The following HSBP1L1 variants were observed in gnomAD, a reference collection of about 807,000 sequenced individuals.
The protein encoded by HSBP1L1 is heat shock factor-binding protein 1-like protein 1.
A neutral mutation model predicts 9.7 loss-of-function variants in HSBP1L1; 8 were observed. That is an observed-to-expected ratio of 0.82 (90% CI 0.48 to 1.48). HSBP1L1 has a LOEUF of 1.48. Among genes scored for constraint, HSBP1L1 ranks in the 40% most tolerant of loss-of-function variants. The pLI is 0.00. For synonymous variants in HSBP1L1, 39 were observed against 34.4 expected (o/e 1.13, Z -0.46); for missense variants, 106 against 95.8 (o/e 1.11, Z -0.44).
Position 79,964,799 on chromosome 18 carries a change from C to A in HSBP1L1, c.51+13C>A. 2 of 1,365,036 alleles carry A rather than the reference C, an allele frequency of 1.5e-6. No individual in the cohort carries two copies. Among genetic ancestry groups the A allele is most frequent in the Non-Finnish European group, 1.9e-6 (2 of 1,057,716 alleles). 84.6% of individuals were successfully genotyped at this position (1,365,036 alleles called of 1,614,324 possible). A position where few individuals can be genotyped will look rare whatever the true frequency, so the allele number is the denominator to read the frequency against. ...GCTGCGGGACGCGGTGAGCCCCTCC[C>A]CGACTCCTGCTTCTCTCTGGATGGG... On this transcript the variant is annotated intron_variant, in intron 1 of 3. Coordinates refer to ENST00000451882, the MANE Select transcript of HSBP1L1 (RefSeq NM_001136180.2).
intron 1 of HSBP1L1, among the ~76,000 whole-genome samples, chr18:79,966,366 A>G (rs866763961): frequency 1.6e-4 from 25 of 152,124 alleles, no homozygotes; most frequent in Admixed American, 1.3e-4. Flanking sequence ...CAACATGGTG[A>G]AACTCCGTCT....
At chr18:79,968,008 A>T in intron 2 of HSBP1L1, 81 bp from the exon 3 acceptor site, 1 of 741,042 alleles carries the variant, frequency 1.3e-6, no homozygotes, top group South Asian at 1.8e-5. Flanking sequence ...GTGCCATGGG[A>T]GGCGGAGTCT....
intron 3 of HSBP1L1, among the ~76,000 whole-genome samples, chr18:79,968,386 G>A (rs2051268349): frequency 6.6e-6 from 1 of 152,152 alleles, no homozygotes; most frequent in Non-Finnish European, 1.5e-5. Flanking sequence ...GAGTGCAGTG[G>A]CATGATCTTG....
intron 2 of HSBP1L1, chr18:79,966,959 T>C (rs934807085): frequency 1.9e-5 from 5 of 268,586 alleles, no homozygotes; most frequent in African/African-American, 4.5e-5. Context: ...CCATCCTGGC[T>C]AACACAGTGA....
chr18:79,964,862 G>GC (rs2051248835), intron 1 of HSBP1L1, 76 bp downstream of exon 1: 1 of 248,688 alleles, frequency 4.0e-6, no homozygotes, highest in African/African-American at 2.5e-5. Flanking sequence ...GAGGTCCTGG[G>GC]GGGGGAGCCT....
Position 79,964,680 on chromosome 18 carries a change from G to T in HSBP1L1, c.-56G>T. The T allele has an allele frequency of 9.3e-7, 1 of 1,070,176 alleles. No homozygotes were observed. 66.3% of individuals were successfully genotyped at this position (1,070,176 alleles called of 1,614,324 possible). A position where few individuals can be genotyped will look rare whatever the true frequency, so the allele number is the denominator to read the frequency against. On this transcript the variant is annotated 5_prime_UTR_variant, in exon 1 of 4. Coordinates refer to ENST00000451882, the MANE Select transcript of HSBP1L1 (RefSeq NM_001136180.2). Reference sequence around the variant, plus strand: ...CGGAGCTTAGCTGTCGCCACCTCGCGCCGGGTCCGCGCGGCCCACGGGACC... The same window carrying T: ...CGGAGCTTAGCTGTCGCCACCTCGCTCCGGGTCCGCGCGGCCCACGGGACC...
chr18:79,964,791 G>A lies in HSBP1L1; in HGVS notation c.51+5G>A. On this transcript the variant is annotated splice_donor_5th_base_variant and intron_variant, in intron 1 of 3. Transcript: ENST00000451882. ...GGGCGCGCGCTGCGGGACGCGGTGA[G>A]CCCCTCCCCGACTCCTGCTTCTCTC... The A allele has an allele frequency of 3.1e-6, 4 of 1,288,728 alleles. 1 individual carries two copies. Among genetic ancestry groups the A allele is most frequent in the South Asian group, 3.1e-5 (2 of 64,348 alleles). 79.8% of individuals were successfully genotyped at this position (1,288,728 alleles called of 1,614,324 possible). A position where few individuals can be genotyped will look rare whatever the true frequency, so the allele number is the denominator to read the frequency against.
intron 3 of HSBP1L1, 57 bp downstream of exon 3, chr18:79,968,240 T>A: frequency 1.0e-6 from 1 of 1,002,740 alleles, no homozygotes; most frequent in Non-Finnish European, 1.5e-6. Context: ...TGCTTTCATC[T>A]TGAAACATAC....
chr18:79,968,328 T>A, intron 3 of HSBP1L1, 145 bp downstream of exon 3: 1 of 602,260 alleles, frequency 1.7e-6, no homozygotes, highest in Middle Eastern at 3.2e-4. Context: ...AATTTCCAAA[T>A]GCTCTCTTCT....
chr18:79,969,331 A>AAG lies in HSBP1L1; in HGVS notation c.214-1108_214-1107insGA, dbSNP rs1351455464. 4.1e-3 allele frequency among the ~76,000 whole-genome samples: 298 copies of AAG among 71,990 alleles called. 16 individuals carry two copies. Among genetic ancestry groups the AAG allele is most frequent in the East Asian group, 0.022 (42 of 1,930 alleles). The allele number at this position is 71,990 out of a possible 152,430, so 47.2% of individuals were successfully genotyped here. A position where few individuals can be genotyped will look rare whatever the true frequency, so the allele number is the denominator to read the frequency against. ...GAGAAAGGAAAGAAAGAAAGAAAGA[A>AAG]AAAGAAAGAAAGAAAGAAAGAAAGA... On this transcript the variant is annotated intron_variant, in intron 3 of 3. Coordinates refer to ENST00000451882, the MANE Select transcript of HSBP1L1 (RefSeq NM_001136180.2).
At chr18:79,964,856 T>TC (rs1423113869) in intron 1 of HSBP1L1, 70 bp downstream of exon 1, 1 of 119,726 alleles carries the variant, frequency 8.4e-6, no homozygotes, top group South Asian at 1.0e-4. Flanking sequence ...GGTTTTGAGG[T>TC]CCTGGGGGGG....
chr18:79,968,482 A>G (rs2051268768), intron 3 of HSBP1L1, among the ~76,000 whole-genome samples: 1 of 152,078 alleles, frequency 6.6e-6, no homozygotes, highest in South Asian at 2.1e-4. Context: ...ATGCACCACC[A>G]CACCCAGCTA....
intron 2 of HSBP1L1, 63 bp from the exon 3 acceptor site, chr18:79,968,026 C>A: frequency 1.0e-6 from 1 of 979,384 alleles, no homozygotes; most frequent in Non-Finnish European, 1.5e-6. Flanking sequence ...TCTCTGAGGA[C>A]ATCCTGGCTG....
intron 3 of HSBP1L1, among the ~76,000 whole-genome samples, chr18:79,969,359 G>GAA (rs1375841246): frequency 2.2e-5 from 1 of 46,506 alleles, no homozygotes; most frequent in Non-Finnish European, 5.3e-5. Flanking sequence ...AAGAAAGAAA[G>GAA]AAAGAAAGAA....
At chr18:79,966,497 C>T (rs1055519310) in intron 1 of HSBP1L1, 115 bp from the exon 2 acceptor site, 38 of 673,510 alleles carry the variant, frequency 5.6e-5, no homozygotes, top group East Asian at 3.7e-4. Context: ...GAGCTGAGAT[C>T]GCGCCATTGC....
chr18:79,969,384 AAAG>A (rs1482191040), intron 3 of HSBP1L1, among the ~76,000 whole-genome samples: 1 of 59,116 alleles, frequency 1.7e-5, no homozygotes, highest in South Asian at 9.2e-4. Context: ...AGAAAGAAAG[AAAG>A]AAAGAAAAAA....
At position 79,968,072 on chromosome 18, in the gene HSBP1L1, G is replaced by C; in HGVS notation, c.119-17G>C. ...GCTCTGGACTCCAGCTCTACGCAGA[G>C]CGCCTTAACACTGTACTGGAAGAAA... On this transcript the variant is annotated splice_polypyrimidine_tract_variant and intron_variant, in intron 2 of 3. Transcript: ENST00000451882. The C allele has an allele frequency of 2.0e-6, 3 of 1,501,854 alleles. No homozygotes were observed. The highest frequency in any genetic ancestry group is 1.4e-5 in the African/African-American group (1 of 72,316). The allele number at this position is 1,501,854 out of a possible 1,614,324, so 93.0% of individuals were successfully genotyped here. A position where few individuals can be genotyped will look rare whatever the true frequency, so the allele number is the denominator to read the frequency against.
intron 2 of HSBP1L1, 141 bp from the exon 3 acceptor site, chr18:79,967,948 T>A: frequency 1.8e-6 from 1 of 550,810 alleles, no homozygotes; most frequent in Non-Finnish European, 3.2e-6. Flanking sequence ...AGAAGCTGAT[T>A]TGCATGGACA....
At chr18:79,965,993 G>A (rs577971575) in intron 1 of HSBP1L1, among the ~76,000 whole-genome samples, 3 of 152,134 alleles carry the variant, frequency 2.0e-5, no homozygotes, top group South Asian at 2.1e-4. Flanking sequence ...GTGCAGTGGC[G>A]CGATCTCGGC....
Sources: allele counts gnomAD v4.1 joint callset (sites outside exome capture counted in the v4.1 genomes callset), GRCh38; gene constraint gnomAD v4.1.1; transcripts MANE v1.5; gene names NCBI Gene and HGNC (gene_info 2026-07-23, HGNC 2026-07-21).